EPHA8: variants seen among roughly 807,000 people sequenced by gnomAD.
The protein encoded by EPHA8 is EPH receptor A8, also known as ephrin type-A receptor 8.
In EPHA8, 58 loss-of-function variants were observed where a neutral mutation model predicts 103.6. The ratio of observed to expected loss-of-function variants is 0.56; its 90% CI spans 0.45 to 0.70. EPHA8 has a LOEUF of 0.70. EPHA8 is among the 30% of genes least tolerant of loss of function. EPHA8 has a pLI of 0.00. For missense variants in EPHA8, 1,304 were observed against 1,395.2 expected, an observed-to-expected ratio of 0.93 and a Z score of 1.04; for synonymous variants, 559 against 572.5, an observed-to-expected ratio of 0.98 and a Z score of 0.34.
chr1:22,571,033 G>C (rs1569951323), intron 2 of EPHA8, among the ~76,000 whole-genome samples: 1 of 152,218 alleles, frequency 6.6e-6, no homozygotes, highest in Non-Finnish European at 1.5e-5. Context: ...CCAGCAGCTA[G>C]GAGGGCACGC....
chr1:22,596,131 C>T lies in EPHA8; in HGVS notation c.1723C>T (p.Gln575Ter). 6.2e-7 allele frequency: 1 copy of T among 1,613,990 alleles called. No individual in the cohort carries two copies. Among genetic ancestry groups the T allele is most frequent in the Non-Finnish European group, 8.5e-7 (1 of 1,179,992 alleles). The change falls in exon 9 of 17, where the codon CAG becomes TAG. Residue 575 changes from glutamine (Q) to a stop codon, truncating the protein, a stop_gained. Transcript: ENST00000166244. LOFTEE classifies it high-confidence loss of function. ...KRHCGYSKAF[Q>*]DSDEEKMHYQ... ...GCACTGTGGCTACAGCAAGGCCTTC[C>T]AGGACTCGGACGAGGAGAAGATGCA...
In EPHA8 at chr1:22,601,699, G is replaced by T; in HGVS notation, c.2976G>T (p.Arg992=). Residue 992 remains arginine, a synonymous_variant, in exon 17 of 17, where the codon CGG becomes CGT. Transcript: ENST00000166244. ...TCCTGGGCAGCATTCAGACCATGCG[G>T]GCCCAGCTGACCAGCACCCAGGGGC... ...KKILGSIQTM[R]AQLTSTQGPR... The T allele has an allele frequency of 6.3e-7, 1 of 1,581,466 alleles. No homozygotes were observed. The highest frequency in any genetic ancestry group is 2.3e-5 in the East Asian group (1 of 42,686).
chr1:22,593,245 C>A, intron 5 of EPHA8, 81 bp from the exon 6 acceptor site: 1 of 1,507,184 alleles, frequency 6.6e-7, no homozygotes, highest in Non-Finnish European at 8.9e-7. Context: ...ACCAGGATCC[C>A]CAGGTGGAAC....
rs200156030 is a variant in EPHA8, at chr1:22,576,314, C to T, written c.257C>T (p.Thr86Met). The part of the protein sequence containing the change: ...MSPNQNNWLR[T>M]SWVPRDGARR... The stretch of plus-strand genomic sequence containing the variant: ...CCCAACCAGAACAACTGGCTGCGCA[C>T]GAGCTGGGTCCCCCGAGACGGCGCC... Residue 86 changes from threonine to methionine, a missense_variant, in exon 3 of 17, where the codon ACG (threonine) becomes ATG (methionine). Physicochemically the swap from Thr to Met is moderately conservative, Grantham distance 81 (BLOSUM62 -1). Transcript: ENST00000166244. This position sits in a 1 kb window ranked among gnomAD's most constrained non-coding sequence, Gnocchi z 4.8. 6 of 1,613,882 alleles carry T rather than the reference C, an allele frequency of 3.7e-6. No homozygotes were observed. The highest frequency in any genetic ancestry group is 1.3e-5 in the African/African-American group (1 of 75,038).
At chr1:22,564,702 C>G (rs1402534887) in intron 1 of EPHA8, among the ~76,000 whole-genome samples, 1 of 152,080 alleles carries the variant, frequency 6.6e-6, no homozygotes, top group African/African-American at 2.4e-5. Flanking sequence ...CCATCCAGCT[C>G]AGGAGGTTTC....
chr1:22,598,215 G>A lies in EPHA8; in HGVS notation c.2178+3G>A, dbSNP rs2148266768. 1 of 1,612,830 alleles carries A rather than the reference G, an allele frequency of 6.2e-7. No individual in the cohort carries two copies. The highest frequency in any genetic ancestry group is 8.5e-7 in the Non-Finnish European group (1 of 1,179,794). ...GCTCTCTGGACACCTTCCTGAGGGT[G>A]CGTGTCCCACCCCTGCCTCTTGCAT... On this transcript the variant is annotated splice_donor_region_variant and intron_variant, in intron 12 of 16. Transcript: ENST00000166244. The surrounding 1 kb of genome is among the most constrained non-coding windows in gnomAD (Gnocchi z 5.1).
intron 3 of EPHA8, 131 bp downstream of exon 3, chr1:22,577,011 G>A: frequency 4.6e-6 from 5 of 1,084,896 alleles, no homozygotes; most frequent in Non-Finnish European, 6.4e-6. Context: ...TGGGAAGATG[G>A]ATAAACCTCC....
chr1:22,577,857 T>TGTGC (rs78661391), intron 3 of EPHA8, among the ~76,000 whole-genome samples: 11,087 of 115,778 alleles, frequency 0.096, 527 homozygotes, highest in Middle Eastern at 0.13. Context: ...TGTGCATGCG[T>TGTGC]ATGTATGCAT....
intron 1 of EPHA8, among the ~76,000 whole-genome samples, chr1:22,568,377 C>T (rs1470756054): frequency 1.3e-5 from 2 of 152,202 alleles, no homozygotes; most frequent in Admixed American, 1.3e-4. Context: ...TGCTCCTTCC[C>T]TGCCGTGGAG....
intron 15 of EPHA8, 67 bp downstream of exon 15, chr1:22,601,155 T>C: frequency 6.5e-7 from 1 of 1,548,854 alleles, no homozygotes. Context: ...GATCTGTCCC[T>C]GGGACAGTTT....
At chr1:22,587,580 G>A (rs755207662) in intron 4 of EPHA8, among the ~76,000 whole-genome samples, 13 of 152,144 alleles carry the variant, frequency 8.5e-5, no homozygotes, top group Admixed American at 5.2e-4. Context: ...GTGTCCTAAC[G>A]GGCCACTCAT....
Position 22,576,820 on chromosome 1 carries a change from G to A in EPHA8, c.763G>A (p.Val255Met), listed in dbSNP as rs752919461. The A allele has an allele frequency of 3.7e-6, 6 of 1,610,744 alleles. No homozygotes were observed. Among genetic ancestry groups the A allele is most frequent in the South Asian group, 2.2e-5 (2 of 90,972 alleles). Residue 255 changes from valine to methionine, a missense_variant, in exon 3 of 17, where the codon GTG becomes ATG. By Grantham distance (21) the Val-to-Met change is conservative. Transcript: ENST00000166244. This position sits in a 1 kb window ranked among gnomAD's most constrained non-coding sequence, Gnocchi z 4.8. ...MYCSAEGEWL[V>M]PIGKCVCSAG... ...CTGCAGCGCGGAGGGCGAGTGGCTC[G>A]TGCCCATCGGCAAATGCGTGTGCAG...
chr1:22,579,101 GTA>G (rs1219937193), intron 3 of EPHA8, among the ~76,000 whole-genome samples: 7 of 130,832 alleles, frequency 5.4e-5, no homozygotes, highest in East Asian at 4.1e-4. Flanking sequence ...GTGTGCATGT[GTA>G]TGTGTGCATG....
intron 1 of EPHA8, among the ~76,000 whole-genome samples, chr1:22,564,590 GGTCTGGGAAA>G: frequency 6.6e-6 from 1 of 152,156 alleles, no homozygotes; most frequent in Admixed American, 6.5e-5. Context: ...GGACCAAAAA[GGTCTGGGAAA>G]TGACTTCTGG....
At chr1:22,588,797 C>T in intron 4 of EPHA8, 74 bp from the exon 5 acceptor site, 2 of 1,509,118 alleles carry the variant, frequency 1.3e-6, no homozygotes, top group Non-Finnish European at 1.8e-6. Context: ...TTGGGGAGCC[C>T]CAGGTCTGAT....
chr1:22,569,491 G>C lies in EPHA8; in HGVS notation c.159+138G>C. 2.3e-6 allele frequency: 2 copies of C among 853,274 alleles called. No homozygotes were observed. Among genetic ancestry groups the C allele is most frequent in the African/African-American group, 1.7e-5 (1 of 57,284 alleles). The allele number at this position is 853,274 out of a possible 1,614,324, so 52.9% of individuals were successfully genotyped here. A position where few individuals can be genotyped will look rare whatever the true frequency, so the allele number is the denominator to read the frequency against. The stretch of plus-strand genomic sequence containing the variant: ...GGGACTTACCCAAGGGCACACAGCA[G>C]TTAGTGCTGCTGATCTCTTAACAGT... On this transcript the variant is annotated intron_variant, in intron 2 of 16. Coordinates refer to ENST00000166244, the MANE Select transcript of EPHA8 (RefSeq NM_020526.5). This position sits in a 1 kb window ranked among gnomAD's most constrained non-coding sequence, Gnocchi z 4.5.
At chr1:22,585,805 T>C (rs563540126) in intron 3 of EPHA8, among the ~76,000 whole-genome samples, 52 of 152,248 alleles carry the variant, frequency 3.4e-4, no homozygotes, top group African/African-American at 1.2e-3. Flanking sequence ...AAGCCTGCGC[T>C]TCTTGGATAG....
chr1:22,573,011 AACAG>A (rs1334958599), intron 2 of EPHA8, among the ~76,000 whole-genome samples: 1 of 152,230 alleles, frequency 6.6e-6, no homozygotes, highest in African/African-American at 2.4e-5. Flanking sequence ...CCTGGCAGGA[AACAG>A]ACAGGGAGCA....
chr1:22,579,387 ACT>A (rs1158044182), intron 3 of EPHA8, among the ~76,000 whole-genome samples: 1 of 142,696 alleles, frequency 7.0e-6, no homozygotes, highest in African/African-American at 2.7e-5. Context: ...GTATGTGTGC[ACT>A]GTGTGCATGT....
Sources: allele counts gnomAD v4.1 joint callset (sites outside exome capture counted in the v4.1 genomes callset), GRCh38; gene constraint gnomAD v4.1.1; non-coding constraint Gnocchi (gnomAD v3.1); transcripts MANE v1.5; gene names NCBI Gene and HGNC (gene_info 2026-07-23, HGNC 2026-07-21).